Variants in ABCG2 observed in about 807,000 individuals in gnomAD.
The protein encoded by ABCG2 is ATP binding cassette subfamily G member 2 (JR blood group).
Under a neutral mutation model 73.5 loss-of-function variants are expected in ABCG2, and 80 were observed. That is an observed-to-expected ratio of 1.09 (90% CI 0.91 to 1.31). ABCG2 has a LOEUF of 1.31. Among genes scored for constraint, ABCG2 ranks in the 50% most tolerant of loss-of-function variants. The pLI is 0.00. For synonymous variants in ABCG2, 269 were observed against 282.4 expected, an observed-to-expected ratio of 0.95 and a Z score of 0.48; for missense variants, 796 against 786.2, an observed-to-expected ratio of 1.01 and a Z score of -0.15.
intron 9 of ABCG2, among the ~76,000 whole-genome samples, chr4:88,108,635 A>G (rs372567586): frequency 6.6e-5 from 10 of 152,360 alleles, no homozygotes; most frequent in African/African-American, 2.4e-4. Flanking sequence ...TAAAAAAACA[A>G]AATCTCAATA....
At chr4:88,141,058 G>A (rs1214848733) in intron 1 of ABCG2, among the ~76,000 whole-genome samples, 2 of 152,200 alleles carry the variant, frequency 1.3e-5, no homozygotes, top group Non-Finnish European at 2.9e-5. Flanking sequence ...GGTTTGAAAT[G>A]TTAACTTCAA....
chr4:88,174,625 CAGGTG>C (rs949297197), intron 1 of ABCG2, among the ~76,000 whole-genome samples: 6 of 152,304 alleles, frequency 3.9e-5, no homozygotes, highest in Admixed American at 3.3e-4. Flanking sequence ...CTCCTGACCT[CAGGTG>C]ATCCACCCGC....
At chr4:88,200,689 T>C (rs371668425) in intron 1 of ABCG2, among the ~76,000 whole-genome samples, 1 of 152,044 alleles carries the variant, frequency 6.6e-6, no homozygotes, top group South Asian at 2.1e-4. Context: ...ATTTTTTGTG[T>C]TTTTAGTAGA....
At chr4:88,223,051 T>A (rs558719035) in intron 1 of ABCG2, among the ~76,000 whole-genome samples, 135 of 152,366 alleles carry the variant, frequency 8.9e-4, no homozygotes, top group African/African-American at 3.2e-3. Context: ...TGTGGCCAAT[T>A]TGTCCCATTT....
At chr4:88,213,545 C>G (rs1729683498) in intron 1 of ABCG2, among the ~76,000 whole-genome samples, 1 of 151,970 alleles carries the variant, frequency 6.6e-6, no homozygotes, top group South Asian at 2.1e-4. Flanking sequence ...AAGTCTCATC[C>G]CCTTTTTCCT....
chr4:88,122,656 G>GC (rs1724089172), intron 5 of ABCG2, among the ~76,000 whole-genome samples: 1 of 152,200 alleles, frequency 6.6e-6, no homozygotes, highest in African/African-American at 2.4e-5. Flanking sequence ...AAAGGCAGCA[G>GC]CCCCAGTCAG....
chr4:88,155,730 C>G (rs561486669), intron 1 of ABCG2, among the ~76,000 whole-genome samples: 2 of 152,038 alleles, frequency 1.3e-5, no homozygotes, highest in Middle Eastern at 6.8e-3. Flanking sequence ...CATGGCAAAA[C>G]CTCGTCTTTA....
chr4:88,121,901 T>A (rs536472584), intron 5 of ABCG2, 109 bp from the exon 6 acceptor site: 9 of 1,103,910 alleles, frequency 8.2e-6, no homozygotes, highest in South Asian at 7.7e-5. Context: ...ATTAAGTTCA[T>A]TTATTCTGAA....
intron 1 of ABCG2, among the ~76,000 whole-genome samples, chr4:88,147,307 C>G (rs960657638): frequency 3.9e-5 from 6 of 151,992 alleles, no homozygotes; most frequent in Non-Finnish European, 8.8e-5. Context: ...AAAAACGTAC[C>G]TAAACTCTCT....
At chr4:88,142,833 G>A (rs2725250) in intron 1 of ABCG2, among the ~76,000 whole-genome samples, 104,898 of 151,758 alleles carry the variant, frequency 0.69, 36,662 homozygotes, top group African/African-American at 0.77. Flanking sequence ...CCATGGTTTC[G>A]GCTACTCGGG....
chr4:88,095,479 G>T, intron 14 of ABCG2, 41 bp downstream of exon 14: 2 of 1,532,272 alleles, frequency 1.3e-6, no homozygotes, highest in Non-Finnish European at 1.8e-6. Context: ...ATTGTTCCTA[G>T]CTTGGGAATG....
At position 88,104,685 on chromosome 4, in the gene ABCG2, T is replaced by C. The variant is rs556115712; in HGVS notation, c.1277+2499A>G. ...GGGGGAAAAAAAAAAGATAGCAAGC[T>C]TAAGTCACAAATACAAATTATGAGC... On this transcript the variant is annotated intron_variant, in intron 10 of 15. Transcript: ENST00000237612. 3.7e-4 allele frequency among the ~76,000 whole-genome samples: 56 copies of C among 150,406 alleles called. No homozygotes were observed. The South Asian group carries it at 7.7e-3, about 21-fold the overall frequency.
At chr4:88,187,209 A>C (rs1291684215) in intron 1 of ABCG2, among the ~76,000 whole-genome samples, 1 of 152,010 alleles carries the variant, frequency 6.6e-6, no homozygotes, top group Admixed American at 6.6e-5. Context: ...GATGGAATGA[A>C]TAAGATCTAG....
intron 1 of ABCG2, among the ~76,000 whole-genome samples, chr4:88,189,099 C>G (rs1274184417): frequency 6.6e-6 from 1 of 152,148 alleles, no homozygotes; most frequent in African/African-American, 2.4e-5. Flanking sequence ...TCTTCAGTCT[C>G]TTTCCGCAAT....
At chr4:88,099,481 G>T in intron 11 of ABCG2, 33 bp from the exon 12 acceptor site, 2 of 1,568,478 alleles carry the variant, frequency 1.3e-6, no homozygotes, top group Non-Finnish European at 1.7e-6. Flanking sequence ...ATACATCCAA[G>T]ATTAGTTTAA....
chr4:88,157,378 T>C (rs1727019020), intron 1 of ABCG2, among the ~76,000 whole-genome samples: 1 of 152,142 alleles, frequency 6.6e-6, no homozygotes, highest in South Asian at 2.1e-4. Flanking sequence ...ATCGATTGGA[T>C]CCTGGGCAGA....
chr4:88,177,526 T>C (rs947269715), intron 1 of ABCG2, among the ~76,000 whole-genome samples: 1 of 152,176 alleles, frequency 6.6e-6, no homozygotes, highest in African/African-American at 2.4e-5. Context: ...ATCACTGAAT[T>C]GGAGCCTCCA....
upstream of ABCG2, chr4:88,163,966 A>AACCACTG (rs1350711095): frequency 6.5e-6 from 1 of 154,010 alleles, no homozygotes; most frequent in East Asian, 1.9e-4. Flanking sequence ...GATGAGAACT[A>AACCACTG]ACCACTGAGC....
chr4:88,123,415 A>G (rs1724149779), intron 5 of ABCG2, among the ~76,000 whole-genome samples: 1 of 152,132 alleles, frequency 6.6e-6, no homozygotes, highest in Non-Finnish European at 1.5e-5. Flanking sequence ...AAGAACACTG[A>G]AAAAAGGATA....
Sources: gnomAD v4.1 joint callset for allele counts (sites outside exome capture counted in the v4.1 genomes callset) on GRCh38, gnomAD v4.1.1 for gene constraint, MANE v1.5 for transcripts, NCBI Gene and HGNC (gene_info 2026-07-23, HGNC 2026-07-21) for gene names.